OTOP1: variants seen among roughly 807,000 people sequenced by gnomAD.
The protein encoded by OTOP1 is proton channel OTOP1.
A neutral mutation model predicts 52.9 loss-of-function variants in OTOP1; 59 were observed. The observed-to-expected ratio is 1.12, with a 90% confidence interval of 0.91 to 1.39. OTOP1 has a LOEUF of 1.39. OTOP1 is among the 40% of genes most tolerant of loss of function. OTOP1 has a pLI of 0.00. For missense variants in OTOP1, 761 were observed against 800.9 expected (o/e 0.95, Z 0.60); for synonymous variants, 317 against 337.7 (o/e 0.94, Z 0.67).
intron 1 of OTOP1, among the ~76,000 whole-genome samples, chr4:4,214,202 T>A (rs181390103): frequency 1.8e-4 from 27 of 152,290 alleles, no homozygotes; most frequent in Non-Finnish European, 2.1e-4. Context: ...CATGAAAAGA[T>A]GCTCACCATC....
Position 4,197,834 on chromosome 4 carries a change from T to A in OTOP1, c.1000A>T (p.Ile334Phe). 1 of 1,613,808 alleles carries A rather than the reference T, an allele frequency of 6.2e-7. No homozygotes were observed. The highest frequency in any genetic ancestry group is 8.5e-7 in the Non-Finnish European group (1 of 1,179,962). Residue 334 changes from isoleucine to phenylalanine, a missense_variant, in exon 5 of 6, where the codon ATT (isoleucine) becomes TTT (phenylalanine). By Grantham distance (21) the Ile-to-Phe change is conservative. Coordinates refer to ENST00000296358, the MANE Select transcript of OTOP1 (RefSeq NM_177998.3). ...ATIAVVVVYLIHIGRSKTKSE... is the reference protein window; with the variant it reads ...ATIAVVVVYLFHIGRSKTKSE... ...TTGGTCTTGGAGCGCCCAATATGAATCAGGTATACCACCACCACAGCAATG... is the reference window on the plus strand; with the variant it reads ...TTGGTCTTGGAGCGCCCAATATGAAACAGGTATACCACCACCACAGCAATG...
Position 4,211,988 on chromosome 4 carries a change from A to G in OTOP1, c.540+880T>C, listed in dbSNP as rs529336814. Among the ~76,000 whole-genome samples, 8 of 152,300 alleles carry G rather than the reference A, an allele frequency of 5.3e-5. No individual in the cohort carries two copies. The South Asian group carries it at 1.2e-3, about 24-fold the overall frequency. The stretch of plus-strand genomic sequence containing the variant: ...GATTTTAGGTGCCTTACCATACCCA[A>G]AAAAAGAAAGGCAACTATGTGAGAT... On this transcript the variant is annotated intron_variant, in intron 2 of 5. Coordinates refer to ENST00000296358, the MANE Select transcript of OTOP1 (RefSeq NM_177998.3).
chr4:4,212,844 T>C (rs1717054627), intron 2 of OTOP1, 24 bp downstream of exon 2: 1 of 1,612,962 alleles, frequency 6.2e-7, no homozygotes, highest in East Asian at 2.2e-5. Context: ...AATGAGACAA[T>C]ATAAATAAAC....
chr4:4,203,864 G>T (rs1017760131), intron 3 of OTOP1, among the ~76,000 whole-genome samples: 2 of 152,220 alleles, frequency 1.3e-5, no homozygotes, highest in African/African-American at 2.4e-5. Flanking sequence ...TGGGTCCCCT[G>T]CCTGGCTGGG....
At chr4:4,190,992 C>T (rs1014704736) in intron 5 of OTOP1, among the ~76,000 whole-genome samples, 5 of 152,174 alleles carry the variant, frequency 3.3e-5, no homozygotes, top group Non-Finnish European at 5.9e-5. Context: ...CAATCTCCAG[C>T]CTGGACCACA....
At chr4:4,189,116 A>T in intron 5 of OTOP1, 143 bp from the exon 6 acceptor site, 1 of 704,342 alleles carries the variant, frequency 1.4e-6, no homozygotes, top group South Asian at 2.2e-5. Flanking sequence ...AGGAGACCTC[A>T]TGGCATTTCC....
chr4:4,189,949 A>C (rs1716466391), intron 5 of OTOP1, among the ~76,000 whole-genome samples: 1 of 152,258 alleles, frequency 6.6e-6, no homozygotes. Context: ...CCCTGTGCAG[A>C]GACTCTCAGC....
At position 4,202,343 on chromosome 4, in the gene OTOP1, G is replaced by A. The variant is rs78639050; in HGVS notation, c.730+105C>T. ...GGCTGATGCTGAGTTGGGTGGCCCT[G>A]CAGTTCTTTGGAACCTGCACTCCAT... On this transcript the variant is annotated intron_variant, in intron 4 of 5. Coordinates refer to ENST00000296358, the MANE Select transcript of OTOP1 (RefSeq NM_177998.3). The A allele has an allele frequency of 5.2e-3, 7,970 of 1,520,176 alleles. 289 individuals are homozygous for A. In the African/African-American group the frequency reaches 0.089, roughly 17 times the overall value. The allele number at this position is 1,520,176 out of a possible 1,614,324, so 94.2% of individuals were successfully genotyped here.
At chr4:4,204,014 T>G (rs1422045264) in intron 3 of OTOP1, among the ~76,000 whole-genome samples, 2 of 152,170 alleles carry the variant, frequency 1.3e-5, no homozygotes, top group Non-Finnish European at 2.9e-5. Flanking sequence ...GGATGAAAAT[T>G]TATTAAAAGC....
intron 4 of OTOP1, among the ~76,000 whole-genome samples, chr4:4,201,289 T>G (rs1716780533): frequency 6.6e-6 from 1 of 151,934 alleles, no homozygotes; most frequent in South Asian, 2.1e-4. Flanking sequence ...TAGCCAGGTG[T>G]GGTGGCACGC....
chr4:4,199,220 T>TTGTGTGTGTGTGTGTGTGTG lies in OTOP1; in HGVS notation c.731-1118_731-1117insCACACACACACACACACACA, dbSNP rs151144007. Among the ~76,000 whole-genome samples the TTGTGTGTGTGTGTGTGTGTG allele has an allele frequency of 2.2e-3, 117 of 54,176 alleles. 8 individuals are homozygous for TTGTGTGTGTGTGTGTGTGTG. Among genetic ancestry groups the TTGTGTGTGTGTGTGTGTGTG allele is most frequent in the East Asian group, 3.7e-3 (12 of 3,246 alleles). 35.5% of individuals were successfully genotyped at this position (54,176 alleles called of 152,430 possible). A position where few individuals can be genotyped will look rare whatever the true frequency, so the allele number is the denominator to read the frequency against. On this transcript the variant is annotated intron_variant, in intron 4 of 5. Coordinates refer to ENST00000296358, the MANE Select transcript of OTOP1 (RefSeq NM_177998.3). ...TAATTTAAAAAAAACTCAGGTAAAATTGTGTGTGTGTGTGAGAGAGAGAGA... is the reference window on the plus strand; with the variant it reads ...TAATTTAAAAAAAACTCAGGTAAAATTGTGTGTGTGTGTGTGTGTGTGTGTGTGTGTGTGAGAGAGAGAGA...
rs190795171 is a variant in OTOP1, at chr4:4,193,856, G to A, written c.1668+3310C>T. Among the ~76,000 whole-genome samples, 385 of 152,204 alleles carry A rather than the reference G, an allele frequency of 2.5e-3. 1 individual carries two copies. Among genetic ancestry groups the A allele is most frequent in the Middle Eastern group, 0.014 (4 of 294 alleles). On this transcript the variant is annotated intron_variant, in intron 5 of 5. Transcript: ENST00000296358. ...TTTCACCCAGTGGTCAACCAAAAAG[G>A]CAACCAGGGAAAAACAACTTTTCAG...
At chr4:4,189,654 T>C (rs73077806) in intron 5 of OTOP1, among the ~76,000 whole-genome samples, 2 of 152,206 alleles carry the variant, frequency 1.3e-5, no homozygotes, top group African/African-American at 2.4e-5. Flanking sequence ...AGGAAGTCAC[T>C]TCTGAAATTA....
chr4:4,201,513 T>C (rs1422003235), intron 4 of OTOP1, among the ~76,000 whole-genome samples: 4 of 127,308 alleles, frequency 3.1e-5, no homozygotes, highest in African/African-American at 9.1e-5. Context: ...CACACACACA[T>C]ATATAGCCTA....
At chr4:4,194,601 G>C (rs1267857672) in intron 5 of OTOP1, among the ~76,000 whole-genome samples, 1 of 152,196 alleles carries the variant, frequency 6.6e-6, no homozygotes, top group Non-Finnish European at 1.5e-5. Context: ...GCGTTCTTAG[G>C]GTGATATCAA....
intron 2 of OTOP1, among the ~76,000 whole-genome samples, chr4:4,211,408 GA>G (rs1717022876): frequency 6.6e-6 from 1 of 152,122 alleles, no homozygotes; most frequent in Non-Finnish European, 1.5e-5. Context: ...CAGTGACTCT[GA>G]GCAAGTCACT....
chr4:4,218,043 C>G (rs985000248), intron 1 of OTOP1, among the ~76,000 whole-genome samples: 3 of 152,154 alleles, frequency 2.0e-5, no homozygotes, highest in African/African-American at 7.2e-5. Flanking sequence ...CCTATAAAGA[C>G]TTGTCATACA....
rs1203724000 is a variant in OTOP1, at chr4:4,193,652, C to T, written c.1668+3514G>A. Reference sequence around the variant, plus strand: ...CTGCTTCAATCCCCCAGAACCCAACCAGTGCCTGGGGGCATCATAGACCAA... The same window carrying T: ...CTGCTTCAATCCCCCAGAACCCAACTAGTGCCTGGGGGCATCATAGACCAA... On this transcript the variant is annotated intron_variant, in intron 5 of 5. Transcript: ENST00000296358. 2.6e-5 allele frequency among the ~76,000 whole-genome samples: 4 copies of T among 152,304 alleles called. No homozygotes were observed. The East Asian group carries it at 5.8e-4, about 22-fold the overall frequency.
intron 1 of OTOP1, among the ~76,000 whole-genome samples, chr4:4,213,435 C>T (rs1463773114): frequency 1.3e-5 from 2 of 152,134 alleles, no homozygotes; most frequent in African/African-American, 2.4e-5. Flanking sequence ...CAGGACACTA[C>T]CAACGAAGCG....
Sources: gnomAD v4.1 joint callset for allele counts (sites outside exome capture counted in the v4.1 genomes callset) on GRCh38, gnomAD v4.1.1 for gene constraint, MANE v1.5 for transcripts, NCBI Gene and HGNC (gene_info 2026-07-23, HGNC 2026-07-21) for gene names.